The following ZNF813 variants were observed in gnomAD, a reference collection of about 807,000 sequenced individuals.
ZNF813 encodes zinc finger protein 813.
Under a neutral mutation model 7.2 loss-of-function variants are expected in ZNF813, and 3 were observed. That is an observed-to-expected ratio of 0.42 (90% CI 0.19 to 1.08). The LOEUF is 1.08. Among genes scored for constraint, ZNF813 ranks in the 50% least tolerant of loss-of-function variants. The pLI is 0.30. For missense variants in ZNF813, 714 were observed against 753.3 expected, an observed-to-expected ratio of 0.95 and a Z score of 0.61; for synonymous variants, 227 against 256.3, an observed-to-expected ratio of 0.89 and a Z score of 1.09.
intron 2 of ZNF813, among the ~76,000 whole-genome samples, chr19:53,485,587 T>TGCATGTCATGATATATAC (rs571848662): frequency 1.4e-5 from 2 of 139,698 alleles, no homozygotes; most frequent in East Asian, 2.2e-4. Flanking sequence ...TGTCATGACA[T>TGCATGTCATGATATATAC]ATGTATGTCA....
In ZNF813 at chr19:53,492,845, A is replaced by G; in HGVS notation, c.*759A>G. On this transcript the variant is annotated 3_prime_UTR_variant, in exon 4 of 4. Transcript: ENST00000396403. Reference sequence around the variant, plus strand: ...AGTCAAGCTTCATCCTATGCAAAACATAGGAGAATTCATACAGGAGAGAAA... The same window carrying G: ...AGTCAAGCTTCATCCTATGCAAAACGTAGGAGAATTCATACAGGAGAGAAA... The G allele has an allele frequency of 2.1e-6, 1 of 481,828 alleles. No individual in the cohort carries two copies. The highest frequency in any genetic ancestry group is 1.5e-5 in the South Asian group (1 of 65,414). 29.8% of individuals were successfully genotyped at this position (481,828 alleles called of 1,614,324 possible).
chr19:53,475,681 C>A (rs532514277), intron 1 of ZNF813, among the ~76,000 whole-genome samples: 32 of 152,306 alleles, frequency 2.1e-4, no homozygotes, highest in Non-Finnish European at 2.9e-4. Flanking sequence ...CCTGTGTTAA[C>A]AAGATGGTGG....
rs1394627902 is a variant in ZNF813 at position 53,491,132 on chromosome 19, A to C, written c.900A>C (p.Lys300Asn). Residue 300 changes from lysine (K) to asparagine (N), a missense_variant, in exon 4 of 4, where the codon AAA (lysine) becomes AAC (asparagine). By Grantham distance (94) the Lys-to-Asn change is moderately conservative. Coordinates refer to ENST00000396403, the MANE Select transcript of ZNF813 (RefSeq NM_001004301.4). ...TTCATACTGGAGAGAAACCTTACAA[A>C]TGTGAAGAATGTGACAAAGCTTTCA... ...RRLHTGEKPYKCEECDKAFSF... is the reference protein window; with the variant it reads ...RRLHTGEKPYNCEECDKAFSF... 1.2e-6 allele frequency: 2 copies of C among 1,601,288 alleles called. No individual in the cohort carries two copies. The highest frequency in any genetic ancestry group is 4.5e-5 in the East Asian group (2 of 44,232).
chr19:53,489,640 A>G (rs571109300), intron 3 of ZNF813, among the ~76,000 whole-genome samples: 15 of 152,200 alleles, frequency 9.9e-5, no homozygotes, highest in Non-Finnish European at 2.2e-4. Context: ...AAAGAACGTC[A>G]TAACGTGCCT....
chr19:53,473,472 T>C (rs912952114), intron 1 of ZNF813, among the ~76,000 whole-genome samples: 5 of 152,222 alleles, frequency 3.3e-5, no homozygotes, highest in African/African-American at 1.2e-4. Flanking sequence ...CTGAGTTGGA[T>C]GGTCTGGGTC....
At chr19:53,488,793 T>A (rs536433043) in intron 3 of ZNF813, among the ~76,000 whole-genome samples, 1 of 152,264 alleles carries the variant, frequency 6.6e-6, no homozygotes, top group Admixed American at 6.5e-5. Flanking sequence ...GATCTTAACA[T>A]GTATTTCAGT....
chr19:53,488,308 C>A, intron 3 of ZNF813: 1 of 450,256 alleles, frequency 2.2e-6, no homozygotes, highest in Non-Finnish European at 4.5e-6. Flanking sequence ...CAGGTGTGAA[C>A]CACCGCGCCC....
At chr19:53,489,327 G>T (rs1445454324) in intron 3 of ZNF813, among the ~76,000 whole-genome samples, 2 of 152,148 alleles carry the variant, frequency 1.3e-5, no homozygotes, top group Non-Finnish European at 2.9e-5. Context: ...ATTAACTGGG[G>T]CACTGTGGCT....
rs1483443419 is a variant in ZNF813 at position 53,485,380 on chromosome 19, C to T, written c.16-1252C>T. ...TTTGTAAAAACTTTATATACACACT[C>T]ACATATACAATATACACACACATAT... On this transcript the variant is annotated intron_variant, in intron 2 of 3. Coordinates refer to ENST00000396403, the MANE Select transcript of ZNF813 (RefSeq NM_001004301.4). 3.3e-5 allele frequency among the ~76,000 whole-genome samples: 5 copies of T among 152,148 alleles called. No homozygotes were observed. In the East Asian group the frequency reaches 9.6e-4, roughly 29 times the overall value.
intron 1 of ZNF813, among the ~76,000 whole-genome samples, chr19:53,476,367 G>A (rs956529619): frequency 9.9e-5 from 15 of 151,796 alleles, no homozygotes; most frequent in African/African-American, 3.4e-4. Context: ...ATGGTGGCTC[G>A]CGCCTGTAAT....
At chr19:53,487,434 C>G (rs936446775) in intron 3 of ZNF813, among the ~76,000 whole-genome samples, 1 of 152,002 alleles carries the variant, frequency 6.6e-6, no homozygotes, top group Non-Finnish European at 1.5e-5. Flanking sequence ...ATGATGGAGT[C>G]TCACTCTGTC....
At chr19:53,472,556 G>A (rs975221410) in intron 1 of ZNF813, among the ~76,000 whole-genome samples, 8 of 150,534 alleles carry the variant, frequency 5.3e-5, no homozygotes, top group Non-Finnish European at 1.0e-4. Context: ...CATAAGGTTG[G>A]TTATTTCCTG....
In ZNF813 at chr19:53,496,168, G is replaced by T; in HGVS notation, c.*4082G>T. The stretch of plus-strand genomic sequence containing the variant: ...TTTATTGGGAATATGTTTTTTCTCT[G>T]AATCTGCTATGAACACGTCAGTTGG... On this transcript the variant is annotated 3_prime_UTR_variant, in exon 4 of 4. Coordinates refer to ENST00000396403, the MANE Select transcript of ZNF813 (RefSeq NM_001004301.4). 1 of 192,676 alleles carries T rather than the reference G, an allele frequency of 5.2e-6. No individual in the cohort carries two copies. Among genetic ancestry groups the T allele is most frequent in the South Asian group, 1.0e-4 (1 of 9,804 alleles). The allele number at this position is 192,676 out of a possible 1,614,324, so 11.9% of individuals were successfully genotyped here. A position where few individuals can be genotyped will look rare whatever the true frequency, so the allele number is the denominator to read the frequency against.
intron 1 of ZNF813, among the ~76,000 whole-genome samples, chr19:53,473,873 A>C (rs556383486): frequency 6.6e-6 from 1 of 152,188 alleles, no homozygotes; most frequent in Non-Finnish European, 1.5e-5. Context: ...GTGGGGGTGC[A>C]CCTGACTCAG....
chr19:53,475,999 T>G (rs1415111928), intron 1 of ZNF813, among the ~76,000 whole-genome samples: 1 of 152,098 alleles, frequency 6.6e-6, no homozygotes, highest in African/African-American at 2.4e-5. Flanking sequence ...CAATTTGGAA[T>G]CCGGAATCTT....
chr19:53,496,251 T>A lies in ZNF813; in HGVS notation c.*4165T>A, dbSNP rs879359695. 1 of 153,438 alleles carries A rather than the reference T, an allele frequency of 6.5e-6. No individual in the cohort carries two copies. Among genetic ancestry groups the A allele is most frequent in the African/African-American group, 2.4e-5 (1 of 41,424 alleles). The allele number at this position is 153,438 out of a possible 1,614,324, so 9.5% of individuals were successfully genotyped here. ...ATTTCAAAATAAAAAAGGCAAATGA[T>A]GTAATTGCATAGAGTACCTTAATTT... On this transcript the variant is annotated 3_prime_UTR_variant, in exon 4 of 4. Transcript: ENST00000396403.
chr19:53,470,278 G>A (rs1316848059), intron 1 of ZNF813, among the ~76,000 whole-genome samples: 1 of 152,246 alleles, frequency 6.6e-6, no homozygotes, highest in African/African-American at 2.4e-5. Flanking sequence ...TGTTCTCTAA[G>A]TGAGCTTGCT....
chr19:53,486,903 G>C, intron 3 of ZNF813, 145 bp downstream of exon 3: 1 of 1,493,880 alleles, frequency 6.7e-7, no homozygotes, highest in Admixed American at 2.2e-5. Flanking sequence ...TGAATTCCTG[G>C]GCTCAAGTGA....
chr19:53,482,694 A>G (rs531680221), intron 1 of ZNF813, among the ~76,000 whole-genome samples: 60 of 141,826 alleles, frequency 4.2e-4, no homozygotes, highest in Non-Finnish European at 6.2e-4. Flanking sequence ...TGCATCAATC[A>G]CATCAGGAAT....
Sources: gnomAD v4.1 joint callset for allele counts (sites outside exome capture counted in the v4.1 genomes callset) on GRCh38, gnomAD v4.1.1 for gene constraint, MANE v1.5 for transcripts, NCBI Gene and HGNC (gene_info 2026-07-23, HGNC 2026-07-21) for gene names.